The following SFMBT2 variants were observed in gnomAD, a reference collection of about 807,000 sequenced individuals.
SFMBT2 encodes Scm like with four mbt domains 2, also known as scm-like with four MBT domains protein 2.
SFMBT2 carries 38 observed loss-of-function variants against 110.1 expected under a neutral mutation model. The observed-to-expected ratio is 0.35, with a 90% CI of 0.27 to 0.45. SFMBT2 has a LOEUF of 0.45. SFMBT2 is among the 20% of genes least tolerant of loss of function. The pLI, the probability that SFMBT2 is intolerant of heterozygous loss-of-function variation, is 1.00. For synonymous variants in SFMBT2, 425 were observed against 425.4 expected (o/e 1.00, Z 0.01); for missense variants, 1,011 against 1,094.9 (o/e 0.92, Z 1.08).
chr10:7,275,788 G>A lies in SFMBT2; in HGVS notation c.870+1104C>T, dbSNP rs146156284. Among the ~76,000 whole-genome samples the A allele has an allele frequency of 5.8e-4, 88 of 152,354 alleles. 1 individual carries two copies. The Middle Eastern group carries it at 0.017, about 29-fold the overall frequency. ...AAAGGGTCAATGATTTGCCACAGCT[G>A]CTTAAAAGGCTGAGTGAGGACTTAG... On this transcript the variant is annotated intron_variant, in intron 7 of 20. Transcript: ENST00000397167.
At chr10:7,277,995 AGT>A (rs1841836694) in intron 6 of SFMBT2, among the ~76,000 whole-genome samples, 1 of 152,112 alleles carries the variant, frequency 6.6e-6, no homozygotes, top group South Asian at 2.1e-4. Context: ...TCATAATTAC[AGT>A]AAGTATCAGA....
intron 16 of SFMBT2, among the ~76,000 whole-genome samples, chr10:7,182,481 T>C (rs1320942710): frequency 6.6e-6 from 1 of 152,026 alleles, no homozygotes; most frequent in Non-Finnish European, 1.5e-5. Context: ...TGTCCAACAA[T>C]GATAGACTGG....
intron 4 of SFMBT2, among the ~76,000 whole-genome samples, chr10:7,300,096 C>T (rs1354374333): frequency 6.6e-6 from 1 of 152,028 alleles, no homozygotes; most frequent in African/African-American, 2.4e-5. Context: ...TGTTCTCACT[C>T]GTAAGTGGGA....
intron 7 of SFMBT2, chr10:7,249,670 C>A: frequency 2.3e-6 from 1 of 443,534 alleles, no homozygotes; most frequent in Non-Finnish European, 3.0e-6. Flanking sequence ...CTGCACAGAG[C>A]CCAGTCGGGC....
Position 7,176,087 on chromosome 10 carries a change from G to C in SFMBT2, c.1887C>G (p.Val629=). Residue 629 remains valine (V), a synonymous_variant, in exon 17 of 21, where the codon GTC becomes GTG. Coordinates refer to ENST00000397167, the MANE Select transcript of SFMBT2 (RefSeq NM_001387889.1). ...TTGGACAGCACTCTAGCTTGGCACAGACTCGGCGGCAGAAATTTGCGACTT... is the reference window on the plus strand; with the variant it reads ...TTGGACAGCACTCTAGCTTGGCACACACTCGGCGGCAGAAATTTGCGACTT... The part of the protein sequence containing the change: ...SDQVANFCRR[V]CAKLECCPNL... 5.0e-6 allele frequency: 8 copies of C among 1,614,198 alleles called. No individual in the cohort carries two copies. The highest frequency in any genetic ancestry group is 6.8e-6 in the Non-Finnish European group (8 of 1,180,030).
chr10:7,205,559 T>C, intron 12 of SFMBT2: 1 of 985,338 alleles, frequency 1.0e-6, no homozygotes, highest in South Asian at 4.7e-5. Context: ...AAACTGAGAG[T>C]GATGATTTCA....
At chr10:7,234,599 C>G (rs533780794) in intron 9 of SFMBT2, among the ~76,000 whole-genome samples, 1 of 152,308 alleles carries the variant, frequency 6.6e-6, no homozygotes, top group South Asian at 2.1e-4. Flanking sequence ...TATACCAACT[C>G]TTTTCAATCA....
intron 1 of SFMBT2, among the ~76,000 whole-genome samples, chr10:7,392,342 C>G (rs1211529063): frequency 6.6e-6 from 1 of 152,150 alleles, no homozygotes; most frequent in Non-Finnish European, 1.5e-5. Flanking sequence ...TGCAGAAACT[C>G]AGTCTCTACT....
At chr10:7,262,229 T>G (rs1841229173) in intron 7 of SFMBT2, among the ~76,000 whole-genome samples, 1 of 151,138 alleles carries the variant, frequency 6.6e-6, no homozygotes, top group Admixed American at 6.6e-5. Flanking sequence ...TTGGTGGTTT[T>G]TTAATGTTTT....
At chr10:7,200,351 CAT>C in intron 14 of SFMBT2, 61 bp downstream of exon 14, 1 of 1,295,150 alleles carries the variant, frequency 7.7e-7, no homozygotes. Flanking sequence ...GAAACCTATA[CAT>C]GTCTCTGCTC....
chr10:7,373,747 G>A (rs1251442471), intron 2 of SFMBT2, among the ~76,000 whole-genome samples: 1 of 152,170 alleles, frequency 6.6e-6, no homozygotes, highest in East Asian at 1.9e-4. Context: ...GCAGGAAAAG[G>A]GAAGACACAG....
chr10:7,409,715 C>G (rs1044851981), intron 1 of SFMBT2, among the ~76,000 whole-genome samples: 4 of 152,036 alleles, frequency 2.6e-5, no homozygotes, highest in Non-Finnish European at 5.9e-5. Flanking sequence ...CCTGGGGTAG[C>G]CAAAGAGAGT....
chr10:7,401,818 T>G (rs1846090420), intron 1 of SFMBT2, among the ~76,000 whole-genome samples: 1 of 152,226 alleles, frequency 6.6e-6, no homozygotes, highest in Admixed American at 6.5e-5. Flanking sequence ...TTCTATGCCC[T>G]TGACTTTTTC....
chr10:7,342,396 CTTTTTTTTTTTTTTTTT>C (rs71382101), intron 4 of SFMBT2, among the ~76,000 whole-genome samples: 5 of 69,628 alleles, frequency 7.2e-5, no homozygotes, highest in South Asian at 5.1e-4. Context: ...TGGAGTGAGT[CTTTTTTTTTTTTTTTTT>C]TTTTTTTTTT....
At chr10:7,372,740 A>C (rs930972416) in intron 2 of SFMBT2, among the ~76,000 whole-genome samples, 1 of 152,336 alleles carries the variant, frequency 6.6e-6, no homozygotes, top group Middle Eastern at 3.4e-3. Context: ...TTTCCGATGC[A>C]CTAGTCAGAG....
chr10:7,290,726 G>T (rs1842237883), intron 4 of SFMBT2, among the ~76,000 whole-genome samples: 1 of 151,608 alleles, frequency 6.6e-6, no homozygotes, highest in African/African-American at 2.4e-5. Context: ...AGTCCCAGCT[G>T]CTTGGGAGGC....
chr10:7,300,519 C>A (rs1345355133), intron 4 of SFMBT2, among the ~76,000 whole-genome samples: 3 of 152,190 alleles, frequency 2.0e-5, no homozygotes, highest in Non-Finnish European at 4.4e-5. Flanking sequence ...TCACACTGCC[C>A]CCTTCACACA....
At chr10:7,392,493 C>A (rs990602497) in intron 1 of SFMBT2, among the ~76,000 whole-genome samples, 4 of 151,694 alleles carry the variant, frequency 2.6e-5, no homozygotes, top group Non-Finnish European at 4.4e-5. Context: ...CCAGCCTGGA[C>A]AAAGAGCGAG....
intron 1 of SFMBT2, among the ~76,000 whole-genome samples, chr10:7,387,815 G>A (rs1028690331): frequency 1.1e-4 from 16 of 151,278 alleles, no homozygotes; most frequent in Non-Finnish European, 1.5e-4. Context: ...GGGTATGGTC[G>A]TGTGCACCTG....
Sources: allele counts gnomAD v4.1 joint callset (sites outside exome capture counted in the v4.1 genomes callset), GRCh38; gene constraint gnomAD v4.1.1; transcripts MANE v1.5; gene names NCBI Gene and HGNC (gene_info 2026-07-23, HGNC 2026-07-21).